The following UBTD2 variants were observed in gnomAD, a reference collection of about 807,000 sequenced individuals.
The protein encoded by UBTD2 is ubiquitin domain-containing protein 2.
In UBTD2, 9 loss-of-function variants were observed where a neutral mutation model predicts 19.8. That is an observed-to-expected ratio of 0.46 (90% CI 0.27 to 0.79). UBTD2 has a LOEUF of 0.79. Among genes scored for constraint, UBTD2 ranks in the 30% least tolerant of loss-of-function variants. The probability of loss-of-function intolerance (pLI) is 0.14; values close to 1 mark genes in which losing one functional copy is unlikely to be tolerated. For missense variants in UBTD2, 250 were observed against 300.4 expected (o/e 0.83, Z 1.24); for synonymous variants, 98 against 103.9 (o/e 0.94, Z 0.35).
At chr5:172,251,511 AAGC>A (rs1267169257) in intron 1 of UBTD2, among the ~76,000 whole-genome samples, 3 of 151,310 alleles carry the variant, frequency 2.0e-5, no homozygotes, top group African/African-American at 7.3e-5. Flanking sequence ...AAGATCCTGA[AAGC>A]AGCATGAGAA....
intron 1 of UBTD2, among the ~76,000 whole-genome samples, chr5:172,263,180 C>T (rs1755307730): frequency 6.6e-6 from 1 of 152,244 alleles, no homozygotes; most frequent in South Asian, 2.1e-4. Flanking sequence ...ATCTGCTTAC[C>T]TCAGCCTTCC....
intron 2 of UBTD2, among the ~76,000 whole-genome samples, chr5:172,227,889 T>C (rs1023055927): frequency 4.0e-5 from 6 of 149,390 alleles, no homozygotes; most frequent in Admixed American, 2.0e-4. Context: ...CCATGTTGGC[T>C]AGGCTGGTCT....
At chr5:172,277,067 CAAAAAAAAAAAAAA>C (rs56277139) in intron 1 of UBTD2, among the ~76,000 whole-genome samples, 11 of 65,122 alleles carry the variant, frequency 1.7e-4, no homozygotes, top group East Asian at 4.8e-4. Context: ...GACTCTGTCT[CAAAAAAAAAAAAAA>C]AAAAAAAAAA....
At chr5:172,243,357 G>GAT (rs1195949366) in intron 1 of UBTD2, among the ~76,000 whole-genome samples, 1 of 152,022 alleles carries the variant, frequency 6.6e-6, no homozygotes, top group African/African-American at 2.4e-5. Flanking sequence ...TACCCAATGT[G>GAT]ATAGTATTTG....
chr5:172,249,323 CAGG>C lies in UBTD2; in HGVS notation c.71-14968_71-14966del, dbSNP rs549958916. Among the ~76,000 whole-genome samples, 977 of 147,154 alleles carry C rather than the reference CAGG, an allele frequency of 6.6e-3. 8 individuals are homozygous for C. Among genetic ancestry groups the C allele is most frequent in the Non-Finnish European group, 0.011 (729 of 67,270 alleles). ...CTGAGGCAGGAGAATCGCTTGAACC[CAGG>C]AGGAGGAGGTTGCAGTGAGCCAAGA... On this transcript the variant is annotated intron_variant, in intron 1 of 2. Transcript: ENST00000393792.
At chr5:172,251,357 G>C (rs1392701364) in intron 1 of UBTD2, among the ~76,000 whole-genome samples, 2 of 147,096 alleles carry the variant, frequency 1.4e-5, no homozygotes, top group African/African-American at 5.1e-5. Context: ...TTAAAGATGG[G>C]TTCCTGTCAG....
intron 1 of UBTD2, among the ~76,000 whole-genome samples, chr5:172,270,676 T>C (rs1749687515): frequency 1.3e-5 from 2 of 152,070 alleles, no homozygotes; most frequent in African/African-American, 4.8e-5. Flanking sequence ...GTTTTTCAGA[T>C]TTGAATACTT....
intron 1 of UBTD2, among the ~76,000 whole-genome samples, chr5:172,266,183 G>A (rs907160155): frequency 2.0e-5 from 3 of 151,876 alleles, no homozygotes; most frequent in Non-Finnish European, 2.9e-5. Flanking sequence ...CACTCGCCTC[G>A]GCCTCCGAAA....
chr5:172,251,520 G>T (rs775752918), intron 1 of UBTD2, among the ~76,000 whole-genome samples: 6 of 142,084 alleles, frequency 4.2e-5, no homozygotes, highest in Non-Finnish European at 9.2e-5. Context: ...AAAGCAGCAT[G>T]AGAAAAGCAG....
chr5:172,243,950 G>A (rs1405751031), intron 1 of UBTD2, among the ~76,000 whole-genome samples: 13 of 151,940 alleles, frequency 8.6e-5, no homozygotes, highest in East Asian at 1.9e-4. Flanking sequence ...GAATGACTCC[G>A]GAGGCAAATC....
At chr5:172,272,654 TTTG>T (rs1267044854) in intron 1 of UBTD2, among the ~76,000 whole-genome samples, 2 of 152,172 alleles carry the variant, frequency 1.3e-5, no homozygotes, top group African/African-American at 4.8e-5. Context: ...AAGGCAAAAT[TTTG>T]TTACTAGTGA....
At position 172,211,714 on chromosome 5, in the gene UBTD2, T is replaced by A; in HGVS notation, c.*116A>T. 1 of 1,165,372 alleles carries A rather than the reference T, an allele frequency of 8.6e-7. No homozygotes were observed. Among genetic ancestry groups the A allele is most frequent in the Non-Finnish European group, 1.2e-6 (1 of 866,574 alleles). The allele number at this position is 1,165,372 out of a possible 1,614,324, so 72.2% of individuals were successfully genotyped here. ...TCACTGGTAATTCCTCAGAACTAAA[T>A]CCATTCATAGGGAATTTAGAGCAGT... On this transcript the variant is annotated 3_prime_UTR_variant, in exon 3 of 3. Coordinates refer to ENST00000393792, the MANE Select transcript of UBTD2 (RefSeq NM_152277.3).
At chr5:172,272,552 TG>T (rs1175804640) in intron 1 of UBTD2, among the ~76,000 whole-genome samples, 6 of 152,328 alleles carry the variant, frequency 3.9e-5, no homozygotes, top group African/African-American at 1.4e-4. Context: ...TTGATTATGT[TG>T]CTTAAACTAA....
intron 1 of UBTD2, among the ~76,000 whole-genome samples, chr5:172,244,901 G>A (rs1035816731): frequency 2.0e-5 from 3 of 151,852 alleles, no homozygotes; most frequent in African/African-American, 4.8e-5. Flanking sequence ...GCTAATTTTC[G>A]TATTTTTAGT....
At chr5:172,244,518 G>C (rs901808701) in intron 1 of UBTD2, among the ~76,000 whole-genome samples, 6 of 150,996 alleles carry the variant, frequency 4.0e-5, no homozygotes, top group Admixed American at 6.6e-5. Flanking sequence ...GGTTGGTCTC[G>C]AACTCCCAAC....
At chr5:172,237,050 G>A (rs1772025391) in intron 1 of UBTD2, among the ~76,000 whole-genome samples, 1 of 152,160 alleles carries the variant, frequency 6.6e-6, no homozygotes, top group Non-Finnish European at 1.5e-5. Flanking sequence ...ATGCGTTTAT[G>A]TTGCTTAAGG....
rs1771958897 is a variant in UBTD2, at chr5:172,234,036, A to G, written c.307+86T>C. On this transcript the variant is annotated intron_variant, in intron 2 of 2. Coordinates refer to ENST00000393792, the MANE Select transcript of UBTD2 (RefSeq NM_152277.3). The stretch of plus-strand genomic sequence containing the variant: ...AAAAAAGTTAGAATAATTCATAGCA[A>G]GGAAAAACACTCTCCCATTTGGTTT... 10 of 1,385,412 alleles carry G rather than the reference A, an allele frequency of 7.2e-6. No individual in the cohort carries two copies. In the South Asian group the frequency reaches 1.1e-4, roughly 15 times the overall value. 85.8% of individuals were successfully genotyped at this position (1,385,412 alleles called of 1,614,324 possible). A position where few individuals can be genotyped will look rare whatever the true frequency, so the allele number is the denominator to read the frequency against.
At chr5:172,266,939 CTGCCTGAGGCAGGGGATTGCT>C (rs1342985074) in intron 1 of UBTD2, among the ~76,000 whole-genome samples, 1 of 151,470 alleles carries the variant, frequency 6.6e-6, no homozygotes, top group Middle Eastern at 3.2e-3. Flanking sequence ...ACCCCAGAGG[CTGCCTGAGGCAGGGGATTGCT>C]TGACCGCCCA....
At chr5:172,219,288 G>GTT (rs1427399203) in intron 2 of UBTD2, among the ~76,000 whole-genome samples, 5 of 152,304 alleles carry the variant, frequency 3.3e-5, no homozygotes, top group African/African-American at 4.8e-5. Context: ...TTTACTCACA[G>GTT]TTTTGCTTTC....
Sources: allele counts gnomAD v4.1 joint callset (sites outside exome capture counted in the v4.1 genomes callset), GRCh38; gene constraint gnomAD v4.1.1; transcripts MANE v1.5; gene names NCBI Gene and HGNC (gene_info 2026-07-23, HGNC 2026-07-21).